ARPC2: variants seen among roughly 807,000 people sequenced by gnomAD.
The protein encoded by ARPC2 is actin-related protein 2/3 complex subunit 2.
ARPC2 carries 4 observed loss-of-function variants against 38.6 expected under a neutral mutation model. The observed-to-expected ratio is 0.10, with a 90% CI of 0.05 to 0.24. ARPC2 has a LOEUF of 0.24. Among genes scored for constraint, ARPC2 ranks in the 10% least tolerant of loss-of-function variants. The probability of loss-of-function intolerance (pLI) is 1.00; values close to 1 mark genes in which losing one functional copy is unlikely to be tolerated. For missense variants in ARPC2, 229 were observed against 387.3 expected (o/e 0.59, Z 3.43); for synonymous variants, 125 against 140.8 (o/e 0.89, Z 0.79).
intron 5 of ARPC2, chr2:218,236,492 A>G (rs1190417117): frequency 6.6e-6 from 1 of 152,058 alleles, no homozygotes; most frequent in Non-Finnish European, 1.5e-5. Context: ...GCCCATGCTC[A>G]ACAAAAAACA....
At chr2:218,231,281 TG>T (rs1347923704) in intron 4 of ARPC2, among the ~76,000 whole-genome samples, 1 of 152,074 alleles carries the variant, frequency 6.6e-6, no homozygotes, top group African/African-American at 2.4e-5. Context: ...AAAGTGCAAG[TG>T]AAGTGACAAG....
intron 7 of ARPC2, among the ~76,000 whole-genome samples, chr2:218,240,199 C>T (rs1689880507): frequency 2.0e-5 from 3 of 151,760 alleles, no homozygotes; most frequent in African/African-American, 4.8e-5. Flanking sequence ...ATGATCCGCC[C>T]GCCTCAGCCT....
intron 2 of ARPC2, among the ~76,000 whole-genome samples, chr2:218,221,858 C>T (rs944012800): frequency 6.6e-6 from 1 of 152,144 alleles, no homozygotes; most frequent in African/African-American, 2.4e-5. Flanking sequence ...ATGATGGGAG[C>T]TTTATAGAAG....
chr2:218,235,140 C>G, intron 5 of ARPC2: 1 of 292,728 alleles, frequency 3.4e-6, no homozygotes, highest in South Asian at 3.0e-5. Flanking sequence ...TTCTCTGTCA[C>G]TCTTAACAGC....
chr2:218,246,718 C>T (rs903294464), intron 8 of ARPC2, among the ~76,000 whole-genome samples: 2 of 152,054 alleles, frequency 1.3e-5, no homozygotes, highest in South Asian at 2.1e-4. Flanking sequence ...CACCTGTAAT[C>T]CCAGCACTTT....
chr2:218,234,767 A>G, intron 5 of ARPC2: 3 of 467,972 alleles, frequency 6.4e-6, no homozygotes, highest in South Asian at 1.6e-5. Flanking sequence ...TGCATACTAC[A>G]TATTTGGAGA....
intron 3 of ARPC2, chr2:218,226,875 C>A: frequency 3.6e-6 from 1 of 276,202 alleles, no homozygotes. Context: ...TCTTAGTTTG[C>A]CTAGCACTAG....
chr2:218,240,341 A>G (rs1395099908), intron 7 of ARPC2, among the ~76,000 whole-genome samples: 1 of 152,220 alleles, frequency 6.6e-6, no homozygotes, highest in Non-Finnish European at 1.5e-5. Context: ...AATGAATGTT[A>G]TGCATCCTTC....
chr2:218,249,952 T>C, intron 10 of ARPC2, 31 bp downstream of exon 10: 2 of 1,542,964 alleles, frequency 1.3e-6, no homozygotes, highest in Non-Finnish European at 1.8e-6. Flanking sequence ...GCGACCACCT[T>C]CCTCTCCTGA....
chr2:218,238,860 G>T lies in ARPC2; in HGVS notation c.455+10G>T. ...GGGATGATGAGACCATGTGAGTATA[G>T]AATTTGGTCCTGAAGCCTGGATATG... On this transcript the variant is annotated intron_variant, in intron 6 of 10. Transcript: ENST00000315717. The T allele has an allele frequency of 1.9e-6, 3 of 1,597,942 alleles. No homozygotes were observed. The highest frequency in any genetic ancestry group is 2.6e-6 in the Non-Finnish European group (3 of 1,168,532).
intron 3 of ARPC2, among the ~76,000 whole-genome samples, chr2:218,227,967 T>C (rs946165844): frequency 2.0e-5 from 3 of 152,224 alleles, no homozygotes; most frequent in African/African-American, 7.2e-5. Flanking sequence ...CATGGTTATG[T>C]TTTTTAACAA....
chr2:218,238,966 T>A, intron 6 of ARPC2, 116 bp downstream of exon 6: 1 of 857,450 alleles, frequency 1.2e-6, no homozygotes, highest in Non-Finnish European at 1.8e-6. Context: ...AATGTTTTTC[T>A]CATAAAATGT....
At chr2:218,245,668 T>C in intron 8 of ARPC2, 122 bp downstream of exon 8, 1 of 1,349,442 alleles carries the variant, frequency 7.4e-7, no homozygotes, top group Non-Finnish European at 1.0e-6. Flanking sequence ...TACCAACTTG[T>C]TCCTGTTGCC....
chr2:218,228,713 G>A (rs560260537), intron 3 of ARPC2, 25 bp from the exon 4 acceptor site: 14 of 1,413,966 alleles, frequency 9.9e-6, no homozygotes, highest in Admixed American at 1.7e-5. Context: ...AAATTGTTAC[G>A]CAATCTTATT....
At position 218,249,584 on chromosome 2, in the gene ARPC2, C is replaced by G. The variant is rs139935682; in HGVS notation, c.777+120C>G. 5.1e-4 allele frequency: 431 copies of G among 846,730 alleles called. 1 individual carries two copies. In the African/African-American group the frequency reaches 5.2e-3, roughly 10 times the overall value. The allele number at this position is 846,730 out of a possible 1,614,324, so 52.5% of individuals were successfully genotyped here. On this transcript the variant is annotated intron_variant, in intron 9 of 10. Coordinates refer to ENST00000315717, the MANE Select transcript of ARPC2 (RefSeq NM_152862.3). ...GATATTGACTCTTAGGTAAATAATT[C>G]TAGAGGCTTCAAGAAACCATGGTCT... is the stretch of plus-strand genomic sequence containing the variant.
intron 4 of ARPC2, among the ~76,000 whole-genome samples, chr2:218,232,780 G>A (rs755960158): frequency 1.3e-5 from 2 of 151,956 alleles, no homozygotes; most frequent in Non-Finnish European, 2.9e-5. Flanking sequence ...GTTTCACTGT[G>A]TTAGCCAGGA....
intron 4 of ARPC2, chr2:218,233,922 T>G (rs1689704487): frequency 6.4e-6 from 1 of 155,570 alleles, no homozygotes; most frequent in Admixed American, 6.5e-5. Flanking sequence ...CCCAGCACTT[T>G]GGGAGGACGA....
intron 4 of ARPC2, among the ~76,000 whole-genome samples, chr2:218,230,971 G>A (rs1359123459): frequency 6.6e-6 from 1 of 152,196 alleles, no homozygotes; most frequent in Non-Finnish European, 1.5e-5. Flanking sequence ...AGAACACATT[G>A]CTATTCTTGT....
chr2:218,238,685 A>G lies in ARPC2; in HGVS notation c.290A>G (p.Tyr97Cys), dbSNP rs1239983230. 1.9e-6 allele frequency: 3 copies of G among 1,595,638 alleles called. No homozygotes were observed. The highest frequency in any genetic ancestry group is 2.6e-6 in the Non-Finnish European group (3 of 1,174,222). The change falls in exon 6 of 11, where the codon TAT becomes TGT. Residue 97 changes from tyrosine to cysteine, a missense_variant. By Grantham distance (194) the Tyr-to-Cys change is radical. Transcript: ENST00000315717. The stretch of plus-strand genomic sequence containing the variant: ...CCAGGATACAATGTCTCTTTGCTAT[A>G]TGACCTTGAAAATCTTCCGGCATCC... ...PESGYNVSLL[Y>C]DLENLPASKD...
Sources: allele counts gnomAD v4.1 joint callset (sites outside exome capture counted in the v4.1 genomes callset), GRCh38; gene constraint gnomAD v4.1.1; transcripts MANE v1.5; gene names NCBI Gene and HGNC (gene_info 2026-07-23, HGNC 2026-07-21).